NRK: variants seen among roughly 807,000 people sequenced by gnomAD.
The protein encoded by NRK is nik-related protein kinase.
In NRK, 67 loss-of-function variants were observed where a neutral mutation model predicts 125.2. The observed-to-expected ratio is 0.54, with a 90% CI of 0.44 to 0.66. NRK has a LOEUF of 0.66. NRK is among the 30% of genes least tolerant of loss of function. The pLI is 0.00. For synonymous variants in NRK, 458 were observed against 429.0 expected (o/e 1.07, Z -0.84); for missense variants, 1,224 against 1,192.9 (o/e 1.03, Z -0.38).
chrX:105,850,585 C>A (rs1332390142), intron 2 of NRK, among the ~76,000 whole-genome samples: 1 of 112,386 alleles, frequency 8.9e-6, no homozygotes, highest in African/African-American at 3.2e-5. Context: ...TAACAGCACC[C>A]AAGTCACCTT....
intron 22 of NRK, 38 bp downstream of exon 22, chrX:105,937,620 A>C (rs1366574952): frequency 9.6e-7 from 1 of 1,044,265 alleles, no homozygotes; most frequent in African/African-American, 1.8e-5. Flanking sequence ...GTAATTATGC[A>C]GATTAATTAG....
chrX:105,946,374 A>C lies in NRK; in HGVS notation c.4263A>C (p.Lys1421Asn). Residue 1421 changes from lysine (K) to asparagine (N), a missense_variant, in exon 26 of 29, where the codon AAA (lysine) becomes AAC (asparagine). Physicochemically the swap from Lys to Asn is moderately conservative, Grantham distance 94. Transcript: ENST00000243300. ...TTGACCTGGCTATTGGTTCTGAAAA[A>C]AGACTAAAGATTTTCTTCAGCTCAG... ...VTVDLAIGSE[K>N]RLKIFFSSAD... The C allele has an allele frequency of 8.3e-7, 1 of 1,197,830 alleles. No individual in the cohort carries two copies. The highest frequency in any genetic ancestry group is 1.1e-6 in the Non-Finnish European group (1 of 883,007).
intron 2 of NRK, among the ~76,000 whole-genome samples, chrX:105,879,794 A>C (rs759120669): frequency 2.5e-3 from 277 of 111,236 alleles, no homozygotes; most frequent in Non-Finnish European, 3.8e-3. Flanking sequence ...TGTTTAGTAC[A>C]ACAACTCGTT....
chrX:105,935,578 A>C (rs1398067905), intron 21 of NRK, among the ~76,000 whole-genome samples: 1 of 108,694 alleles, frequency 9.2e-6, no homozygotes, highest in Non-Finnish European at 1.9e-5. Context: ...GTGGATCACG[A>C]GGTCAGGAGT....
intron 2 of NRK, among the ~76,000 whole-genome samples, chrX:105,845,765 G>T (rs2039392343): frequency 9.0e-6 from 1 of 111,012 alleles, no homozygotes; most frequent in South Asian, 3.9e-4. Context: ...GGGAGGAGGT[G>T]GTCTTCTGGT....
chrX:105,930,779 T>C (rs1312381417), intron 19 of NRK, among the ~76,000 whole-genome samples: 1 of 111,062 alleles, frequency 9.0e-6, no homozygotes, highest in Non-Finnish European at 1.9e-5. Flanking sequence ...TTGGGTGCAT[T>C]GACTTTGGTT....
At chrX:105,876,826 C>T (rs988694944) in intron 2 of NRK, among the ~76,000 whole-genome samples, 1 of 111,370 alleles carries the variant, frequency 9.0e-6, no homozygotes, top group Non-Finnish European at 1.9e-5. Flanking sequence ...CAGCTAAGAT[C>T]GCAAAACAGC....
In NRK at chrX:105,856,020, G is replaced by A. The variant is rs375060258; in HGVS notation, c.124-24179G>A. 2.2e-4 allele frequency among the ~76,000 whole-genome samples: 25 copies of A among 111,271 alleles called. No homozygotes were observed. The East Asian group carries it at 2.3e-3, about 10-fold the overall frequency. Reference sequence around the variant, plus strand: ...TATTGCTTCTATTGATCAGTTTCCTGTAATCGTTCCTTCTTTGATTAAAAA... The same window carrying A: ...TATTGCTTCTATTGATCAGTTTCCTATAATCGTTCCTTCTTTGATTAAAAA... On this transcript the variant is annotated intron_variant, in intron 2 of 28. Coordinates refer to ENST00000243300, the MANE Select transcript of NRK (RefSeq NM_198465.4).
chrX:105,877,004 A>G (rs181042621), intron 2 of NRK, among the ~76,000 whole-genome samples: 2 of 111,743 alleles, frequency 1.8e-5, no homozygotes, highest in African/African-American at 6.5e-5. Context: ...GAAAGGGAAA[A>G]ATAACAACTT....
intron 4 of NRK, among the ~76,000 whole-genome samples, chrX:105,883,935 G>A (rs764125450): frequency 8.9e-6 from 1 of 112,591 alleles, no homozygotes; most frequent in East Asian, 2.8e-4. Context: ...TTCAAAGGAG[G>A]GCCACATCAC....
chrX:105,943,053 C>T lies in NRK; in HGVS notation c.3959-888C>T, dbSNP rs148071944. On this transcript the variant is annotated intron_variant, in intron 23 of 28. Transcript: ENST00000243300. ...TAATTTTTGATGAAGCCTAATTTAT[C>T]TTTTTTTTCCTTTTCTTGCCTTATA... 3.6e-4 allele frequency among the ~76,000 whole-genome samples: 40 copies of T among 111,729 alleles called. No individual in the cohort carries two copies. The Admixed American group carries it at 3.8e-3, about 11-fold the overall frequency.
chrX:105,877,243 T>TAAGTTTA (rs879014946), intron 2 of NRK, among the ~76,000 whole-genome samples: 1 of 111,527 alleles, frequency 9.0e-6, no homozygotes, highest in Admixed American at 9.5e-5. Context: ...CAGTACTCTT[T>TAAGTTTA]AAAAGTGTCA....
At chrX:105,856,580 T>C (rs2039534413) in intron 2 of NRK, among the ~76,000 whole-genome samples, 2 of 111,030 alleles carry the variant, frequency 1.8e-5, no homozygotes, top group South Asian at 7.6e-4. Flanking sequence ...AGGCTAAGGA[T>C]ACCACTACCA....
Position 105,922,830 on chromosome X carries a change from T to C in NRK, c.2611-288T>C, listed in dbSNP as rs2040470148. 2.7e-5 allele frequency among the ~76,000 whole-genome samples: 3 copies of C among 111,233 alleles called. No individual in the cohort carries two copies. The South Asian group carries it at 1.1e-3, about 42-fold the overall frequency. ...TTTTTAAGGAGCATCAAATCTCCTGTTCTCTCCAGCATCAAAAGCAAGTGT... is the reference window on the plus strand; with the variant it reads ...TTTTTAAGGAGCATCAAATCTCCTGCTCTCTCCAGCATCAAAAGCAAGTGT... On this transcript the variant is annotated intron_variant, in intron 17 of 28. Coordinates refer to ENST00000243300, the MANE Select transcript of NRK (RefSeq NM_198465.4).
chrX:105,876,806 A>C (rs2147702196), intron 2 of NRK, among the ~76,000 whole-genome samples: 1 of 111,842 alleles, frequency 8.9e-6, no homozygotes, highest in South Asian at 3.7e-4. Flanking sequence ...CTCATTTATG[A>C]CAAGTCCTTC....
chrX:105,920,395 A>T (rs1237285329), intron 16 of NRK, among the ~76,000 whole-genome samples: 1 of 103,745 alleles, frequency 9.6e-6, no homozygotes, highest in Non-Finnish European at 1.9e-5. Flanking sequence ...TTGGTTCCAT[A>T]TGAACTTTAA....
intron 4 of NRK, among the ~76,000 whole-genome samples, chrX:105,882,246 G>T (rs1414298812): frequency 3.7e-5 from 4 of 108,721 alleles, no homozygotes; most frequent in Admixed American, 2.0e-4. Context: ...AATGCCCCAC[G>T]TGCCCACCCC....
intron 1 of NRK, among the ~76,000 whole-genome samples, chrX:105,830,038 G>C (rs1177154250): frequency 9.1e-6 from 1 of 109,519 alleles, no homozygotes; most frequent in African/African-American, 3.3e-5. Context: ...TGCTTGTCTA[G>C]TTATCACTCA....
intron 2 of NRK, among the ~76,000 whole-genome samples, chrX:105,836,030 GTGACCT>G (rs1237052496): frequency 8.9e-6 from 1 of 111,864 alleles, no homozygotes; most frequent in African/African-American, 3.2e-5. Flanking sequence ...TGCTTCCGTT[GTGACCT>G]TGTCTTCCCT....
Sources: gnomAD v4.1 joint callset for allele counts (sites outside exome capture counted in the v4.1 genomes callset) on GRCh38, gnomAD v4.1.1 for gene constraint, MANE v1.5 for transcripts, NCBI Gene and HGNC (gene_info 2026-07-23, HGNC 2026-07-21) for gene names.